Variants in TTC28 observed in about 807,000 individuals in gnomAD.
The protein encoded by TTC28 is tetratricopeptide repeat domain 28, also known as tetratricopeptide repeat protein 28.
A neutral mutation model predicts 198.0 loss-of-function variants in TTC28; 61 were observed. That is an observed-to-expected ratio of 0.31 (90% CI 0.25 to 0.38). The LOEUF is 0.38. Among genes scored for constraint, TTC28 ranks in the 10% least tolerant of loss-of-function variants. The probability of loss-of-function intolerance (pLI) is 1.00; values close to 1 mark genes in which losing one functional copy is unlikely to be tolerated. For missense variants in TTC28, 2,678 were observed against 3,164.0 expected, an observed-to-expected ratio of 0.85 and a Z score of 3.69; for synonymous variants, 1,171 against 1,297.8, an observed-to-expected ratio of 0.90 and a Z score of 2.10.
At chr22:27,991,948 T>A (rs1937426639) in intron 19 of TTC28, among the ~76,000 whole-genome samples, 1 of 152,212 alleles carries the variant, frequency 6.6e-6, no homozygotes, top group Non-Finnish European at 1.5e-5. Flanking sequence ...GGTGACTATC[T>A]TGTTTCAGGC....
At chr22:28,482,976 G>A (rs952266782) in intron 2 of TTC28, among the ~76,000 whole-genome samples, 2 of 152,102 alleles carry the variant, frequency 1.3e-5, no homozygotes, top group African/African-American at 4.8e-5. Flanking sequence ...ATCCATTGAT[G>A]GATATTTGGG....
At chr22:28,633,172 C>T (rs1300375384) in intron 1 of TTC28, among the ~76,000 whole-genome samples, 2 of 150,818 alleles carry the variant, frequency 1.3e-5, no homozygotes, top group African/African-American at 4.9e-5. Flanking sequence ...CCCAGCTACT[C>T]AGGAGGCTGA....
At chr22:28,588,480 T>G (rs967832215) in intron 2 of TTC28, among the ~76,000 whole-genome samples, 1 of 152,136 alleles carries the variant, frequency 6.6e-6, no homozygotes. Context: ...ATCCTCAAAT[T>G]TAAAGAAAGG....
chr22:28,199,882 T>C (rs1342958515), intron 5 of TTC28, among the ~76,000 whole-genome samples: 1 of 152,078 alleles, frequency 6.6e-6, no homozygotes, highest in Non-Finnish European at 1.5e-5. Context: ...CTGTAAAGTT[T>C]TGAAAACTTA....
intron 2 of TTC28, among the ~76,000 whole-genome samples, chr22:28,537,320 A>AC (rs2049310155): frequency 7.0e-6 from 1 of 143,402 alleles, no homozygotes; most frequent in Admixed American, 6.9e-5. Flanking sequence ...AAATAAAATA[A>AC]AATAAAATAA....
intron 6 of TTC28, among the ~76,000 whole-genome samples, chr22:28,156,534 A>G (rs1197916484): frequency 1.3e-5 from 2 of 152,228 alleles, no homozygotes; most frequent in African/African-American, 2.4e-5. Context: ...TTATACAGGA[A>G]TAAGAAACTA....
intron 13 of TTC28, among the ~76,000 whole-genome samples, chr22:28,015,556 G>A (rs1938336313): frequency 6.6e-6 from 1 of 151,878 alleles, no homozygotes; most frequent in Admixed American, 6.6e-5. Flanking sequence ...CTGAGGAGTT[G>A]GGTCCACAGT....
intron 5 of TTC28, among the ~76,000 whole-genome samples, chr22:28,189,434 C>G (rs181968074): frequency 6.6e-6 from 1 of 151,760 alleles, no homozygotes; most frequent in East Asian, 1.9e-4. Flanking sequence ...AGAGGATCGA[C>G]CCAAGCAGCC....
intron 2 of TTC28, among the ~76,000 whole-genome samples, chr22:28,517,225 T>TA (rs2146413863): frequency 6.6e-6 from 1 of 152,338 alleles, no homozygotes; most frequent in South Asian, 2.1e-4. Flanking sequence ...GTCCTTGTGA[T>TA]AGTTTGCTGA....
At chr22:28,013,548 C>T (rs925967894) in intron 14 of TTC28, among the ~76,000 whole-genome samples, 7 of 152,220 alleles carry the variant, frequency 4.6e-5, no homozygotes, top group African/African-American at 9.6e-5. Flanking sequence ...TGATTCCCAA[C>T]AATATCTGAG....
chr22:28,459,412 CAG>C, intron 2 of TTC28, among the ~76,000 whole-genome samples: 1 of 151,964 alleles, frequency 6.6e-6, no homozygotes, highest in East Asian at 1.9e-4. Context: ...GCCTGGGTGA[CAG>C]AGTGAGACCC....
intron 22 of TTC28, among the ~76,000 whole-genome samples, chr22:27,984,128 G>A (rs1014515746): frequency 2.6e-5 from 4 of 152,206 alleles, no homozygotes; most frequent in African/African-American, 7.2e-5. Context: ...CGGGGTCAGG[G>A]TAAGCAGCAT....
intron 6 of TTC28, 81 bp downstream of exon 6, chr22:28,163,011 C>T: frequency 7.1e-7 from 1 of 1,398,916 alleles, no homozygotes; most frequent in Non-Finnish European, 9.5e-7. Context: ...CACACAGATT[C>T]CTATAAAAGA....
intron 2 of TTC28, among the ~76,000 whole-genome samples, chr22:28,529,273 T>A (rs2145891371): frequency 6.6e-6 from 1 of 152,186 alleles, no homozygotes; most frequent in South Asian, 2.1e-4. Flanking sequence ...CATGCATGAC[T>A]CAGATGGTCC....
chr22:28,477,987 C>A (rs1362599066), intron 2 of TTC28, among the ~76,000 whole-genome samples: 2 of 152,154 alleles, frequency 1.3e-5, no homozygotes, highest in Non-Finnish European at 2.9e-5. Flanking sequence ...TGAGTCCCTC[C>A]AAGCTCTGCT....
intron 2 of TTC28, among the ~76,000 whole-genome samples, chr22:28,616,084 G>A (rs1037635859): frequency 6.6e-6 from 1 of 152,174 alleles, no homozygotes; most frequent in Non-Finnish European, 1.5e-5. Flanking sequence ...ACATATCGGT[G>A]TTAGAACTTG....
At chr22:28,057,362 T>C (rs979597423) in intron 12 of TTC28, among the ~76,000 whole-genome samples, 2 of 152,186 alleles carry the variant, frequency 1.3e-5, no homozygotes, top group Non-Finnish European at 2.9e-5. Flanking sequence ...GTGGCTTAAA[T>C]TGGACTTCTA....
At chr22:28,092,427 G>C (rs1381230093) in intron 12 of TTC28, among the ~76,000 whole-genome samples, 1 of 152,146 alleles carries the variant, frequency 6.6e-6, no homozygotes, top group Admixed American at 6.5e-5. Flanking sequence ...AGAGAACTTG[G>C]CGACTGCATG....
At chr22:28,303,271 T>C (rs2045064415) in intron 3 of TTC28, among the ~76,000 whole-genome samples, 1 of 152,136 alleles carries the variant, frequency 6.6e-6, no homozygotes, top group Non-Finnish European at 1.5e-5. Context: ...GTTTGTAAGA[T>C]ACAATAAACT....
Sources: allele counts gnomAD v4.1 joint callset (sites outside exome capture counted in the v4.1 genomes callset), GRCh38; gene constraint gnomAD v4.1.1; transcripts MANE v1.5; gene names NCBI Gene and HGNC (gene_info 2026-07-23, HGNC 2026-07-21).